The following DLGAP2 variants were observed in gnomAD, a reference collection of about 807,000 sequenced individuals.
DLGAP2 encodes the protein DLG associated protein 2.
In DLGAP2, 26 loss-of-function variants were observed where a neutral mutation model predicts 100.3. The ratio of observed to expected loss-of-function variants is 0.26; its 90% CI spans 0.19 to 0.36. The LOEUF is 0.36. DLGAP2 is among the 10% of genes least tolerant of loss of function. DLGAP2 has a pLI of 1.00. For synonymous variants in DLGAP2, 886 were observed against 630.1 expected (o/e 1.41, Z -6.08); for missense variants, 1,858 against 1,453.2 (o/e 1.28, Z -4.53).
intron 1 of DLGAP2, among the ~76,000 whole-genome samples, chr8:894,771 AGTG>A: frequency 4.4e-5 from 1 of 22,658 alleles, no homozygotes; most frequent in Non-Finnish European, 7.8e-5. Flanking sequence ...TGGCAGGGGT[AGTG>A]GCTGGCAGGG....
At chr8:1,444,470 G>A (rs781326233) in intron 3 of DLGAP2, among the ~76,000 whole-genome samples, 10 of 152,134 alleles carry the variant, frequency 6.6e-5, no homozygotes, top group Non-Finnish European at 1.3e-4. Flanking sequence ...TTTGTTTGAT[G>A]TCTTTCATCT....
intron 3 of DLGAP2, among the ~76,000 whole-genome samples, chr8:1,319,604 C>T (rs779778038): frequency 1.3e-4 from 20 of 152,162 alleles, no homozygotes; most frequent in African/African-American, 2.9e-4. Flanking sequence ...GCTTGCTGGA[C>T]GTCCATCAGC....
chr8:1,365,850 TAC>T (rs770884339), intron 3 of DLGAP2, among the ~76,000 whole-genome samples: 29 of 152,294 alleles, frequency 1.9e-4, no homozygotes, highest in Admixed American at 5.9e-4. Flanking sequence ...CAGACGTAAA[TAC>T]ACAGTGTCAC....
intron 1 of DLGAP2, among the ~76,000 whole-genome samples, chr8:785,218 C>T (rs1821807429): frequency 4.8e-5 from 2 of 41,642 alleles, no homozygotes; most frequent in Non-Finnish European, 5.8e-5. Flanking sequence ...CGAGACTCCG[C>T]CTCAAAAAAA....
At chr8:1,173,441 G>A (rs1197247317) in intron 2 of DLGAP2, among the ~76,000 whole-genome samples, 11 of 152,212 alleles carry the variant, frequency 7.2e-5, no homozygotes, top group African/African-American at 2.2e-4. Flanking sequence ...TAAGTCTGCA[G>A]AGGCTACTGC....
At chr8:1,535,043 T>C (rs1483119830) in intron 4 of DLGAP2, among the ~76,000 whole-genome samples, 1 of 152,222 alleles carries the variant, frequency 6.6e-6, no homozygotes, top group East Asian at 1.9e-4. Flanking sequence ...CTCTTTCTGG[T>C]TGCAAAGGGC....
intron 2 of DLGAP2, among the ~76,000 whole-genome samples, chr8:1,237,050 A>G (rs1357034874): frequency 7.0e-6 from 1 of 143,674 alleles, no homozygotes; most frequent in African/African-American, 2.7e-5. Context: ...GTTCTCTCAC[A>G]TGGCACCATG....
At chr8:1,540,347 G>T (rs1801320134) in intron 4 of DLGAP2, among the ~76,000 whole-genome samples, 1 of 152,196 alleles carries the variant, frequency 6.6e-6, no homozygotes, top group South Asian at 2.1e-4. Flanking sequence ...AGCAGGGGCT[G>T]TTTCACTCAC....
chr8:1,374,315 C>CGGT (rs1489351942), intron 3 of DLGAP2, among the ~76,000 whole-genome samples: 12 of 152,252 alleles, frequency 7.9e-5, no homozygotes, highest in Middle Eastern at 3.4e-3. Context: ...CCCTGCCCCA[C>CGGT]GGTGGTCCCA....
chr8:1,005,372 A>T (rs191549681), intron 2 of DLGAP2, among the ~76,000 whole-genome samples: 1 of 149,344 alleles, frequency 6.7e-6, no homozygotes, highest in African/African-American at 2.5e-5. Context: ...GTTGATGCCC[A>T]TGTTGTTTCC....
intron 2 of DLGAP2, among the ~76,000 whole-genome samples, chr8:911,371 CAT>C (rs898434575): frequency 6.7e-5 from 10 of 149,762 alleles, no homozygotes; most frequent in South Asian, 2.1e-4. Flanking sequence ...ATGTGTATAA[CAT>C]ATGTTGGAAA....
intron 8 of DLGAP2, among the ~76,000 whole-genome samples, chr8:1,641,036 G>A (rs1050954217): frequency 6.6e-6 from 1 of 152,154 alleles, no homozygotes; most frequent in Non-Finnish European, 1.5e-5. Context: ...TGGCTGTGGG[G>A]AAGGAGAAGC....
chr8:1,407,184 C>A (rs76017601), intron 3 of DLGAP2, among the ~76,000 whole-genome samples: 9 of 37,588 alleles, frequency 2.4e-4, no homozygotes, highest in Non-Finnish European at 3.3e-4. Context: ...ACTGAGCGCT[C>A]CCTCCTTGTC....
At chr8:1,589,446 A>AT (rs1281609877) in intron 6 of DLGAP2, among the ~76,000 whole-genome samples, 2 of 151,862 alleles carry the variant, frequency 1.3e-5, no homozygotes, top group African/African-American at 4.8e-5. Flanking sequence ...CTCCAAGGTA[A>AT]TTTTTTTTGA....
intron 3 of DLGAP2, among the ~76,000 whole-genome samples, chr8:1,259,269 GTCGGTGGC>G (rs1799293357): frequency 1.3e-5 from 2 of 152,214 alleles, no homozygotes; most frequent in African/African-American, 4.8e-5. Flanking sequence ...CTTCCCGACT[GTCGGTGGC>G]TCAGCCTGAG....
At chr8:1,536,912 C>A (rs958196304) in intron 4 of DLGAP2, among the ~76,000 whole-genome samples, 1 of 152,248 alleles carries the variant, frequency 6.6e-6, no homozygotes, top group South Asian at 2.1e-4. Context: ...GCTAATATGT[C>A]ATCTGCTTGC....
At chr8:849,320 A>C (rs1585929071) in intron 1 of DLGAP2, among the ~76,000 whole-genome samples, 1 of 152,362 alleles carries the variant, frequency 6.6e-6, no homozygotes, top group East Asian at 1.9e-4. Flanking sequence ...CAGTACAGGA[A>C]CGAGCCGGTG....
intron 2 of DLGAP2, among the ~76,000 whole-genome samples, chr8:1,173,511 C>G (rs1401890282): frequency 6.6e-6 from 1 of 152,188 alleles, no homozygotes; most frequent in East Asian, 1.9e-4. Flanking sequence ...GCAGGCAGGC[C>G]TCCTTGAGCT....
intron 3 of DLGAP2, among the ~76,000 whole-genome samples, chr8:1,321,876 A>G (rs907994840): frequency 2.0e-5 from 3 of 152,224 alleles, no homozygotes; most frequent in Non-Finnish European, 4.4e-5. Flanking sequence ...TAGTGGAATT[A>G]ATATTCTCAG....
Sources: gnomAD v4.1 joint callset for allele counts (sites outside exome capture counted in the v4.1 genomes callset) on GRCh38, gnomAD v4.1.1 for gene constraint, MANE v1.5 for transcripts, NCBI Gene and HGNC (gene_info 2026-07-23, HGNC 2026-07-21) for gene names.